Variants in MON2 observed in about 807,000 individuals in gnomAD.
MON2 encodes the protein protein MON2 homolog.
Under a neutral mutation model 208.6 loss-of-function variants are expected in MON2, and 84 were observed. The ratio of observed to expected loss-of-function variants is 0.40; its 90% CI spans 0.34 to 0.48. The LOEUF (loss-of-function observed/expected upper bound fraction) is 0.48, where lower values mean the gene tolerates loss of function less well. Among genes scored for constraint, MON2 ranks in the 20% least tolerant of loss-of-function variants. MON2 has a pLI of 0.59. For missense variants in MON2, 1,611 were observed against 2,015.4 expected, an observed-to-expected ratio of 0.80 and a Z score of 3.84; for synonymous variants, 660 against 694.0, an observed-to-expected ratio of 0.95 and a Z score of 0.77.
At chr12:62,585,541 G>A in intron 33 of MON2, 40 bp downstream of exon 33, 1 of 1,433,758 alleles carries the variant, frequency 7.0e-7, no homozygotes, top group African/African-American at 1.4e-5. Context: ...ATGTATTGTT[G>A]TACTAATTGT....
chr12:62,578,033 G>GGACT (rs2074854405), intron 30 of MON2, among the ~76,000 whole-genome samples: 2 of 152,120 alleles, frequency 1.3e-5, no homozygotes, highest in Non-Finnish European at 2.9e-5. Context: ...AATGATTAAT[G>GGACT]GACTGTCTCT....
At chr12:62,516,166 GGCACAGAAA>G (rs751149652) in intron 8 of MON2, among the ~76,000 whole-genome samples, 13 of 152,266 alleles carry the variant, frequency 8.5e-5, no homozygotes, top group Non-Finnish European at 1.9e-4. Flanking sequence ...AAATTAGCCA[GGCACAGAAA>G]GACAAACTTC....
At position 62,546,989 on chromosome 12, in the gene MON2, G is replaced by T. The variant is rs1228302059; in HGVS notation, c.2670G>T (p.Gln890His). 1 of 1,613,106 alleles carries T rather than the reference G, an allele frequency of 6.2e-7. No homozygotes were observed. Among genetic ancestry groups the T allele is most frequent in the Non-Finnish European group, 8.5e-7 (1 of 1,179,414 alleles). ...TCAAGCAGTTAGAATGCGTGTTGCAGATTCTGCAGAGTCAGGGAGACAGTC... is the reference window on the plus strand; with the variant it reads ...TCAAGCAGTTAGAATGCGTGTTGCATATTCTGCAGAGTCAGGGAGACAGTC... ...IRLKQLECVLQILQSQGDSLG... is the reference protein window; with the variant it reads ...IRLKQLECVLHILQSQGDSLG... The change falls in exon 22 of 35, where the codon CAG becomes CAT. Residue 890 changes from glutamine (Q) to histidine (H), a missense_variant. By Grantham distance (24) the Gln-to-His change is conservative (BLOSUM62 0). Transcript: ENST00000393630.
At position 62,561,241 on chromosome 12, in the gene MON2, C is replaced by T. The variant is rs551893936; in HGVS notation, c.4032+128C>T. 8 of 721,140 alleles carry T rather than the reference C, an allele frequency of 1.1e-5. No individual in the cohort carries two copies. The East Asian group carries it at 2.3e-4, about 21-fold the overall frequency. 44.7% of individuals were successfully genotyped at this position (721,140 alleles called of 1,614,324 possible). A position where few individuals can be genotyped will look rare whatever the true frequency, so the allele number is the denominator to read the frequency against. ...TTTTATATGTATACTTTGGGATAAA[C>T]TGAGGATTGTCAAGATCTAGGTATT... On this transcript the variant is annotated intron_variant, in intron 26 of 34. Transcript: ENST00000393630.
At chr12:62,500,974 A>C (rs1023837434) in intron 6 of MON2, 94 bp downstream of exon 6, 1 of 705,550 alleles carries the variant, frequency 1.4e-6, no homozygotes, top group Admixed American at 3.4e-5. Context: ...TTTAATGTGA[A>C]TTTTTTTGAA....
chr12:62,534,542 A>AAAAAAAATATATATATATATATAT (rs1555169522), intron 12 of MON2, among the ~76,000 whole-genome samples: 1 of 22,850 alleles, frequency 4.4e-5, no homozygotes. Flanking sequence ...AAAAAAAAAA[A>AAAAAAAATATATATATATATATAT]ATATATATAT....
At position 62,599,185 on chromosome 12, in the gene MON2, T is replaced by C. The variant is rs934660653; in HGVS notation, c.*6436T>C. 1 of 152,000 alleles carries C rather than the reference T, an allele frequency of 6.6e-6. No individual in the cohort carries two copies. The highest frequency in any genetic ancestry group is 1.5e-5 in the Non-Finnish European group (1 of 67,978). 9.4% of individuals were successfully genotyped at this position (152,000 alleles called of 1,614,324 possible). On this transcript the variant is annotated 3_prime_UTR_variant, in exon 35 of 35. Transcript: ENST00000393630. ...TTATTAAAACCATTAATATATAAAA[T>C]GAAAAAATAATAAACAGAAGACACG...
At chr12:62,570,085 T>A (rs2074533517) in intron 29 of MON2, among the ~76,000 whole-genome samples, 1 of 152,182 alleles carries the variant, frequency 6.6e-6, no homozygotes, top group Admixed American at 6.5e-5. Flanking sequence ...TTTTGGTTAA[T>A]CTAGTGTTCT....
chr12:62,488,965 G>T (rs560456050), intron 2 of MON2, among the ~76,000 whole-genome samples: 1 of 151,888 alleles, frequency 6.6e-6, no homozygotes, highest in Non-Finnish European at 1.5e-5. Context: ...AAACCTGCAC[G>T]TTCTGCACAT....
At chr12:62,521,824 T>C (rs1168285518) in intron 8 of MON2, among the ~76,000 whole-genome samples, 1 of 152,224 alleles carries the variant, frequency 6.6e-6, no homozygotes, top group Non-Finnish European at 1.5e-5. Context: ...GCTTTTCTGC[T>C]CTCTGAATCA....
chr12:62,530,918 G>A (rs554066303), intron 11 of MON2, among the ~76,000 whole-genome samples: 10 of 152,172 alleles, frequency 6.6e-5, no homozygotes, highest in South Asian at 6.2e-4. Flanking sequence ...CTTTTTTATC[G>A]TAGTCATCCC....
intron 32 of MON2, among the ~76,000 whole-genome samples, chr12:62,583,660 C>T (rs1479681836): frequency 2.6e-5 from 4 of 151,378 alleles, no homozygotes; most frequent in African/African-American, 7.3e-5. Flanking sequence ...GTATAAAAGA[C>T]ATTGGAGGCC....
intron 1 of MON2, among the ~76,000 whole-genome samples, chr12:62,481,969 C>T (rs955526856): frequency 2.0e-5 from 3 of 152,160 alleles, no homozygotes; most frequent in East Asian, 1.9e-4. Context: ...GTGACCGTTA[C>T]GGCTGTGTCT....
At position 62,600,042 on chromosome 12, in the gene MON2, G is replaced by A. The variant is rs1424549502; in HGVS notation, c.*7293G>A. On this transcript the variant is annotated 3_prime_UTR_variant, in exon 35 of 35. Transcript: ENST00000393630. ...CCAGAGTCTGGGGCCAGGCTTCTTAGATGCAAATCCCAACTCTGTTATTTT... is the reference window on the plus strand; with the variant it reads ...CCAGAGTCTGGGGCCAGGCTTCTTAAATGCAAATCCCAACTCTGTTATTTT... 6.6e-6 allele frequency: 1 copy of A among 152,206 alleles called. No homozygotes were observed. Among genetic ancestry groups the A allele is most frequent in the Non-Finnish European group, 1.5e-5 (1 of 68,030 alleles). The allele number at this position is 152,206 out of a possible 1,614,324, so 9.4% of individuals were successfully genotyped here.
At chr12:62,519,082 ATACTCTTTTAT>A (rs1565639357) in intron 8 of MON2, among the ~76,000 whole-genome samples, 1 of 152,176 alleles carries the variant, frequency 6.6e-6, no homozygotes, top group African/African-American at 2.4e-5. Flanking sequence ...AGACTGCTTT[ATACTCTTTTAT>A]TACTTTTTTT....
intron 1 of MON2, chr12:62,482,562 A>G (rs1001493542): frequency 6.6e-6 from 1 of 152,234 alleles, no homozygotes; most frequent in African/African-American, 2.4e-5. Flanking sequence ...CGTACTTACT[A>G]TCTTTGGAAG....
intron 1 of MON2, among the ~76,000 whole-genome samples, chr12:62,473,216 C>T (rs2068882919): frequency 6.6e-6 from 1 of 152,170 alleles, no homozygotes. Context: ...ACTTTGCATC[C>T]TTAGACTCTA....
intron 31 of MON2, among the ~76,000 whole-genome samples, chr12:62,579,069 C>G (rs2074899848): frequency 6.7e-6 from 1 of 149,640 alleles, no homozygotes; most frequent in African/African-American, 2.5e-5. Flanking sequence ...GACACCATCT[C>G]TACAAAAAAA....
Position 62,538,325 on chromosome 12 carries a change from A to T in MON2, c.2273A>T (p.Gln758Leu). The change falls in exon 18 of 35, where the codon CAG becomes CTG. Residue 758 changes from glutamine (Q) to leucine (L), a missense_variant and splice_region_variant. Physicochemically the swap from Gln to Leu is moderately radical, Grantham distance 113. Coordinates refer to ENST00000393630, the MANE Select transcript of MON2 (RefSeq NM_015026.3). ...NILSRLFESSQYLDDVSLHHL... is the reference protein window; with the variant it reads ...NILSRLFESSLYLDDVSLHHL... The stretch of plus-strand genomic sequence containing the variant: ...CTTTCAAGATTGTTTGAAAGCTCAC[A>T]GTAAGAGTCAGTTTTTTTAATTGAT... The T allele has an allele frequency of 1.9e-6, 3 of 1,609,952 alleles. No homozygotes were observed. The highest frequency in any genetic ancestry group is 1.7e-6 in the Non-Finnish European group (2 of 1,176,362).
Sources: gnomAD v4.1 joint callset for allele counts (sites outside exome capture counted in the v4.1 genomes callset) on GRCh38, gnomAD v4.1.1 for gene constraint, MANE v1.5 for transcripts, NCBI Gene and HGNC (gene_info 2026-07-23, HGNC 2026-07-21) for gene names.